CPLX1: variants seen among roughly 807,000 people sequenced by gnomAD.
CPLX1 encodes the protein complexin 1.
Under a neutral mutation model 15.6 loss-of-function variants are expected in CPLX1, and 6 were observed. That is an observed-to-expected ratio of 0.39 (90% CI 0.21 to 0.76). The LOEUF is 0.76. Among genes scored for constraint, CPLX1 ranks in the 30% least tolerant of loss-of-function variants. The probability of loss-of-function intolerance (pLI) is 0.43; values close to 1 mark genes in which losing one functional copy is unlikely to be tolerated. For missense variants in CPLX1, 242 were observed against 188.6 expected (o/e 1.28, Z -1.66); for synonymous variants, 91 against 75.2 (o/e 1.21, Z -1.08).
chr4:805,131 T>C (rs1432717135), intron 2 of CPLX1, among the ~76,000 whole-genome samples: 6 of 152,136 alleles, frequency 3.9e-5, no homozygotes, highest in Non-Finnish European at 5.9e-5. Flanking sequence ...GCCCGGGGCC[T>C]GGAGCGGGAG....
At chr4:802,048 C>T (rs958372681) in intron 2 of CPLX1, among the ~76,000 whole-genome samples, 1 of 152,204 alleles carries the variant, frequency 6.6e-6, no homozygotes, top group Non-Finnish European at 1.5e-5. Context: ...AATTCCACTC[C>T]TAGGTGTTTA....
intron 1 of CPLX1, among the ~76,000 whole-genome samples, chr4:825,532 C>T (rs905583763): frequency 5.9e-5 from 9 of 151,960 alleles, no homozygotes; most frequent in African/African-American, 9.7e-5. Context: ...AGGGCTCCGG[C>T]CCCGCCGCAC....
intron 2 of CPLX1, among the ~76,000 whole-genome samples, chr4:800,740 T>A (rs199950575): frequency 0.014 from 1,235 of 86,476 alleles, 30 homozygotes; most frequent in African/African-American, 0.059. Flanking sequence ...AAAAAATATA[T>A]ATATATATAT....
chr4:788,315 C>T (rs1560235264), intron 3 of CPLX1: 1 of 985,448 alleles, frequency 1.0e-6, no homozygotes. Context: ...TCTCCCCTCC[C>T]CTAGGGCTGC....
chr4:820,056 A>C (rs928832750), intron 2 of CPLX1, among the ~76,000 whole-genome samples: 1 of 151,728 alleles, frequency 6.6e-6, no homozygotes, highest in Non-Finnish European at 1.5e-5. Flanking sequence ...CAAGAGCTTC[A>C]CCTCCGGATC....
rs576354810 is a variant in CPLX1 at position 798,966 on chromosome 4, T to C, written c.32-6358A>G. Among the ~76,000 whole-genome samples the C allele has an allele frequency of 6.6e-5, 10 of 152,366 alleles. No individual in the cohort carries two copies. The South Asian group carries it at 2.1e-3, about 32-fold the overall frequency. The stretch of plus-strand genomic sequence containing the variant: ...ATTGATAAACTGAATTTCATCAACA[T>C]TAAACATTTTTGCTCTTCTGCGATA... On this transcript the variant is annotated intron_variant, in intron 2 of 3. Coordinates refer to ENST00000304062, the MANE Select transcript of CPLX1 (RefSeq NM_006651.4).
At chr4:800,564 ATGTGTG>A (rs35182041) in intron 2 of CPLX1, among the ~76,000 whole-genome samples, 1 of 142,952 alleles carries the variant, frequency 7.0e-6, no homozygotes, top group Admixed American at 7.1e-5. Context: ...ATATAAATAT[ATGTGTG>A]TGTGTGTGTA....
At chr4:803,342 G>A (rs1258509530) in intron 2 of CPLX1, among the ~76,000 whole-genome samples, 2 of 152,184 alleles carry the variant, frequency 1.3e-5, no homozygotes, top group African/African-American at 4.8e-5. Context: ...CAGGCCGCAT[G>A]TACGACAGTG....
chr4:824,903 C>A, intron 1 of CPLX1: 1 of 418,868 alleles, frequency 2.4e-6, no homozygotes. Context: ...AGGGGCGGGG[C>A]CCAGGGGGCG....
At chr4:787,123 C>T (rs970471760) in intron 3 of CPLX1, 6 of 985,304 alleles carry the variant, frequency 6.1e-6, no homozygotes, top group Non-Finnish European at 7.2e-6. Flanking sequence ...TGCCCAGTGC[C>T]TGGTCCACGA....
At chr4:822,080 A>G (rs1560248106) in intron 2 of CPLX1, among the ~76,000 whole-genome samples, 1 of 150,378 alleles carries the variant, frequency 6.6e-6, no homozygotes, top group East Asian at 2.0e-4. Flanking sequence ...CTCTCTCCCC[A>G]CTGTCTCTCC....
chr4:824,747 G>T, intron 1 of CPLX1, 146 bp from the exon 2 acceptor site: 1 of 693,502 alleles, frequency 1.4e-6, no homozygotes, highest in Non-Finnish European at 2.6e-6. Context: ...TTCGTGAGGG[G>T]CTTCTGTCCC....
chr4:787,526 T>C (rs1385121210), intron 3 of CPLX1: 1 of 640,446 alleles, frequency 1.6e-6, no homozygotes, highest in Non-Finnish European at 1.9e-6. Flanking sequence ...CCAGTGAGAG[T>C]GTCCTTGTAA....
chr4:794,089 G>A (rs1380371383), intron 2 of CPLX1, among the ~76,000 whole-genome samples: 2 of 152,276 alleles, frequency 1.3e-5, no homozygotes, highest in African/African-American at 4.8e-5. Flanking sequence ...CTGTGCCAGT[G>A]CTGCCTCTGC....
intron 2 of CPLX1, among the ~76,000 whole-genome samples, chr4:806,352 A>T (rs1056500595): frequency 6.6e-6 from 1 of 152,234 alleles, no homozygotes; most frequent in Non-Finnish European, 1.5e-5. Flanking sequence ...CCATCTGAAG[A>T]AAATGGAAAC....
intron 2 of CPLX1, among the ~76,000 whole-genome samples, chr4:802,600 A>G (rs1300451466): frequency 6.6e-6 from 1 of 152,254 alleles, no homozygotes; most frequent in Non-Finnish European, 1.5e-5. Context: ...AATATTAGAA[A>G]CAAGGACGTA....
chr4:821,626 G>A (rs1352821487), intron 2 of CPLX1, among the ~76,000 whole-genome samples: 1 of 152,206 alleles, frequency 6.6e-6, no homozygotes, highest in African/African-American at 2.4e-5. Flanking sequence ...CTGGCCTGAG[G>A]AAACCAGTTT....
Position 803,502 on chromosome 4 carries a change from C to T in CPLX1, c.32-10894G>A, listed in dbSNP as rs373253303. Among the ~76,000 whole-genome samples the T allele has an allele frequency of 8.1e-4, 124 of 152,212 alleles. 3 individuals carry two copies. The highest frequency in any genetic ancestry group is 2.7e-3 in the South Asian group (13 of 4,826). ...GCCTCCCAGGTTCACGCCATTCTCCCGCCTCAGCCTCTGGAGTAGCTGGGA... is the reference window on the plus strand; with the variant it reads ...GCCTCCCAGGTTCACGCCATTCTCCTGCCTCAGCCTCTGGAGTAGCTGGGA... On this transcript the variant is annotated intron_variant, in intron 2 of 3. Transcript: ENST00000304062.
At chr4:793,128 GC>G (rs918412470) in intron 2 of CPLX1, among the ~76,000 whole-genome samples, 1 of 152,212 alleles carries the variant, frequency 6.6e-6, no homozygotes, top group African/African-American at 2.4e-5. Flanking sequence ...AGGGGTTGAA[GC>G]GTCTTCTCTG....
Sources: gnomAD v4.1 joint callset for allele counts (sites outside exome capture counted in the v4.1 genomes callset) on GRCh38, gnomAD v4.1.1 for gene constraint, MANE v1.5 for transcripts, NCBI Gene and HGNC (gene_info 2026-07-23, HGNC 2026-07-21) for gene names.